MANBA: variants seen among roughly 807,000 people sequenced by gnomAD.
MANBA encodes the protein beta-mannosidase.
In MANBA, 83 loss-of-function variants were observed where a neutral mutation model predicts 111.1. The observed-to-expected ratio is 0.75, with a 90% CI of 0.63 to 0.90. The LOEUF (loss-of-function observed/expected upper bound fraction) is 0.90, where lower values mean the gene tolerates loss of function less well. Among genes scored for constraint, MANBA ranks in the 40% least tolerant of loss-of-function variants. MANBA has a pLI of 0.00. For missense variants in MANBA, 1,036 were observed against 1,069.0 expected, an observed-to-expected ratio of 0.97 and a Z score of 0.43; for synonymous variants, 370 against 378.7, an observed-to-expected ratio of 0.98 and a Z score of 0.27.
chr4:102,682,307 T>C (rs890984283), intron 7 of MANBA, among the ~76,000 whole-genome samples: 1 of 152,080 alleles, frequency 6.6e-6, no homozygotes, highest in Non-Finnish European at 1.5e-5. Flanking sequence ...CAACATATGA[T>C]TGGTGGAGGG....
intron 14 of MANBA, among the ~76,000 whole-genome samples, chr4:102,638,685 T>C (rs572195355): frequency 6.6e-6 from 1 of 152,274 alleles, no homozygotes; most frequent in East Asian, 1.9e-4. Context: ...CCCAGAAGGA[T>C]TTTCCCCCCA....
rs1491112168 is a variant in MANBA at position 102,653,265 on chromosome 4, CAA to C, written c.1705-2566_1705-2565del. On this transcript the variant is annotated intron_variant, in intron 12 of 16. Coordinates refer to ENST00000647097, the MANE Select transcript of MANBA (RefSeq NM_005908.4). ...ACACACACACACACACACACACACA[CAA>C]GGTATTTACTACCATTAACCCCAAT... Among the ~76,000 whole-genome samples the C allele has an allele frequency of 1.3e-3, 180 of 141,324 alleles. No homozygotes were observed. In the Middle Eastern group the frequency reaches 0.019, roughly 15 times the overall value. The allele number at this position is 141,324 out of a possible 152,430, so 92.7% of individuals were successfully genotyped here. A position where few individuals can be genotyped will look rare whatever the true frequency, so the allele number is the denominator to read the frequency against.
intron 14 of MANBA, among the ~76,000 whole-genome samples, chr4:102,637,738 C>G (rs1729693540): frequency 6.6e-6 from 1 of 152,214 alleles, no homozygotes; most frequent in South Asian, 2.1e-4. Flanking sequence ...CCCCATATAT[C>G]TCTTCATACG....
chr4:102,673,886 A>G (rs767419228), intron 8 of MANBA, 33 bp downstream of exon 8: 9 of 1,585,178 alleles, frequency 5.7e-6, no homozygotes, highest in Non-Finnish European at 6.9e-6. Context: ...TGCTAATTAA[A>G]AGAAGAACAA....
intron 1 of MANBA, among the ~76,000 whole-genome samples, chr4:102,753,488 T>C (rs894793590): frequency 2.0e-5 from 3 of 152,120 alleles, no homozygotes; most frequent in Non-Finnish European, 1.5e-5. Context: ...ATAAAAGTAA[T>C]ATATCAGCGG....
At chr4:102,688,881 G>A (rs1467958342) in intron 7 of MANBA, among the ~76,000 whole-genome samples, 1 of 152,146 alleles carries the variant, frequency 6.6e-6, no homozygotes, top group Non-Finnish European at 1.5e-5. Context: ...GGTTGGTTCT[G>A]GGGAGTAGGA....
intron 1 of MANBA, among the ~76,000 whole-genome samples, chr4:102,743,664 A>C (rs1723490501): frequency 6.6e-6 from 1 of 152,174 alleles, no homozygotes; most frequent in African/African-American, 2.4e-5. Flanking sequence ...AATCATGTAT[A>C]TACCACTTCC....
At chr4:102,706,785 T>C (rs1366218377) in intron 5 of MANBA, among the ~76,000 whole-genome samples, 3 of 151,962 alleles carry the variant, frequency 2.0e-5, no homozygotes, top group Non-Finnish European at 4.4e-5. Context: ...ATTCTGGAAC[T>C]GAAGAATCTA....
chr4:102,705,017 A>G (rs1352995356), intron 5 of MANBA, among the ~76,000 whole-genome samples: 1 of 152,194 alleles, frequency 6.6e-6, no homozygotes, highest in Non-Finnish European at 1.5e-5. Context: ...CACCTCCACA[A>G]AGAAGAACCC....
rs1310191312 is a variant in MANBA at position 102,635,948 on chromosome 4, A to T, written c.2074T>A (p.Leu692Met). The change falls in exon 15 of 17, where the codon TTG becomes ATG. Residue 692 changes from leucine to methionine, a missense_variant. Transcript: ENST00000647097. ...TTTTCATTCTCAAAGCCTACTGGCAACAGTGGAGCAAAGAAATTCTGAGCA... is the reference window on the plus strand; with the variant it reads ...TTTTCATTCTCAAAGCCTACTGGCATCAGTGGAGCAAAGAAATTCTGAGCA... Reference protein sequence around the residue: ...YFAQNFFAPLLPVGFENENTF... With the variant: ...YFAQNFFAPLMPVGFENENTF... 6.2e-7 allele frequency: 1 copy of T among 1,612,790 alleles called. No homozygotes were observed. Among genetic ancestry groups the T allele is most frequent in the East Asian group, 2.2e-5 (1 of 44,884 alleles).
intron 13 of MANBA, among the ~76,000 whole-genome samples, chr4:102,640,270 T>C (rs989191094): frequency 3.3e-5 from 5 of 152,246 alleles, no homozygotes; most frequent in African/African-American, 4.8e-5. Context: ...GAAAAACTTT[T>C]ACTAGAAAAA....
chr4:102,649,679 T>C lies in MANBA; in HGVS notation c.1869+858A>G, dbSNP rs1298333314. 4.6e-5 allele frequency among the ~76,000 whole-genome samples: 7 copies of C among 152,290 alleles called. No individual in the cohort carries two copies. In the East Asian group the frequency reaches 9.6e-4, roughly 21 times the overall value. The stretch of plus-strand genomic sequence containing the variant: ...ATGAATTAAAACTATTGGTCCCCAA[T>C]TTGTGGCTTGCCTTTTCTCTCTCTT... On this transcript the variant is annotated intron_variant, in intron 13 of 16. Transcript: ENST00000647097.
chr4:102,661,225 T>C (rs1440114016), intron 11 of MANBA, among the ~76,000 whole-genome samples: 1 of 152,250 alleles, frequency 6.6e-6, no homozygotes, highest in Non-Finnish European at 1.5e-5. Flanking sequence ...CCCTTGAATG[T>C]AACCTTTTAC....
In MANBA at chr4:102,650,489, T is replaced by C. The variant is rs553002542; in HGVS notation, c.1869+48A>G. On this transcript the variant is annotated intron_variant, in intron 13 of 16. Transcript: ENST00000647097. ...GGCCTACAAAATCTACATAATCTCT[T>C]ACATTAATTGCAGGAACCTGTTCAA... 9.1e-6 allele frequency: 14 copies of C among 1,542,496 alleles called. No individual in the cohort carries two copies. In the East Asian group the frequency reaches 3.1e-4, roughly 35 times the overall value.
At chr4:102,748,376 G>A (rs1279561730) in intron 1 of MANBA, among the ~76,000 whole-genome samples, 1 of 152,030 alleles carries the variant, frequency 6.6e-6, no homozygotes, top group African/African-American at 2.4e-5. Context: ...TACATGTACT[G>A]ATCTGAAATG....
At chr4:102,634,022 A>T (rs2110187590) in intron 16 of MANBA, among the ~76,000 whole-genome samples, 1 of 152,342 alleles carries the variant, frequency 6.6e-6, no homozygotes, top group Admixed American at 6.5e-5. Flanking sequence ...TTCTAAAAAC[A>T]GAGAATGTAA....
chr4:102,751,445 T>C (rs1480472058), intron 1 of MANBA: 11 of 508,512 alleles, frequency 2.2e-5, no homozygotes, highest in Admixed American at 6.0e-5. Context: ...ACAAGAAATA[T>C]GCTGTAAATG....
At chr4:102,747,118 C>A (rs1221809172) in intron 1 of MANBA, among the ~76,000 whole-genome samples, 1 of 151,414 alleles carries the variant, frequency 6.6e-6, no homozygotes, top group Non-Finnish European at 1.5e-5. Context: ...GTACCAAAAT[C>A]TGTATTAGTC....
At chr4:102,643,719 T>C (rs1729981784) in intron 13 of MANBA, among the ~76,000 whole-genome samples, 2 of 152,216 alleles carry the variant, frequency 1.3e-5, no homozygotes, top group Admixed American at 1.3e-4. Context: ...TCAAAGCCTT[T>C]ACCAATTTTT....
Sources: gnomAD v4.1 joint callset for allele counts (sites outside exome capture counted in the v4.1 genomes callset) on GRCh38, gnomAD v4.1.1 for gene constraint, MANE v1.5 for transcripts, NCBI Gene and HGNC (gene_info 2026-07-23, HGNC 2026-07-21) for gene names.